Variants in NACC2 observed in about 807,000 individuals in gnomAD.
NACC2 encodes NACC family member 2, also known as nucleus accumbens-associated protein 2.
NACC2 carries 8 observed loss-of-function variants against 25.1 expected under a neutral mutation model. That is an observed-to-expected ratio of 0.32 (90% CI 0.19 to 0.57). NACC2 has a LOEUF of 0.57. NACC2 is among the 20% of genes least tolerant of loss of function. NACC2 has a pLI of 0.89. For synonymous variants in NACC2, 435 were observed against 294.7 expected (o/e 1.48, Z -4.88); for missense variants, 644 against 650.2 (o/e 0.99, Z 0.10).
At chr9:136,046,907 G>A (rs929232819) in intron 2 of NACC2, among the ~76,000 whole-genome samples, 21 of 152,194 alleles carry the variant, frequency 1.4e-4, no homozygotes, top group Non-Finnish European at 2.4e-4. Flanking sequence ...TTCAAAAACA[G>A]GAGAACAGCC....
At chr9:136,094,388 G>A (rs969558422) in intron 1 of NACC2, among the ~76,000 whole-genome samples, 1 of 152,210 alleles carries the variant, frequency 6.6e-6, no homozygotes, top group Non-Finnish European at 1.5e-5. Flanking sequence ...GGGGCTGGGA[G>A]GTGACCTCTG....
intron 1 of NACC2, among the ~76,000 whole-genome samples, chr9:136,090,340 C>A (rs144630488): frequency 6.6e-6 from 1 of 152,190 alleles, no homozygotes; most frequent in Non-Finnish European, 1.5e-5. Flanking sequence ...CCTCCAAGAC[C>A]GCCGCAGAAG....
intron 1 of NACC2, among the ~76,000 whole-genome samples, chr9:136,065,916 G>A (rs891575898): frequency 3.9e-5 from 6 of 152,086 alleles, no homozygotes; most frequent in East Asian, 1.9e-4. Flanking sequence ...AAAAGAGGCC[G>A]GGCATGGTGG....
chr9:136,061,603 G>A (rs183693700), intron 1 of NACC2, among the ~76,000 whole-genome samples: 7 of 152,256 alleles, frequency 4.6e-5, no homozygotes, highest in East Asian at 1.9e-4. Context: ...GACCCTGTGC[G>A]GCTCACACCT....
intron 1 of NACC2, among the ~76,000 whole-genome samples, chr9:136,078,287 C>T (rs1167530030): frequency 2.0e-5 from 3 of 152,274 alleles, no homozygotes; most frequent in Non-Finnish European, 2.9e-5. Flanking sequence ...GGCCAGAAGA[C>T]GCCAGAATTC....
At chr9:136,094,600 C>A (rs1343625231) in intron 1 of NACC2, among the ~76,000 whole-genome samples, 1 of 152,112 alleles carries the variant, frequency 6.6e-6, no homozygotes, top group Admixed American at 6.5e-5. Flanking sequence ...CGGCCGGACC[C>A]CAGTTTCTCC....
chr9:136,073,150 G>A (rs760628798), intron 1 of NACC2, among the ~76,000 whole-genome samples: 13 of 152,124 alleles, frequency 8.5e-5, no homozygotes, highest in Admixed American at 1.3e-4. Context: ...TTAATTGGCC[G>A]GGTATGGTGG....
rs1428271350 is a variant in NACC2, at chr9:136,008,706, C to G, written c.*2810G>C. 1 of 152,306 alleles carries G rather than the reference C, an allele frequency of 6.6e-6. No homozygotes were observed. Among genetic ancestry groups the G allele is most frequent in the East Asian group, 1.9e-4 (1 of 5,190 alleles). The allele number at this position is 152,306 out of a possible 1,614,324, so 9.4% of individuals were successfully genotyped here. On this transcript the variant is annotated 3_prime_UTR_variant, in exon 6 of 6. Transcript: ENST00000277554. ...GCACTCTGGAAGGCCCCTCTGAGCC[C>G]GGGCCGCCGCCCCCGCCCCACGGTA...
At position 136,008,040 on chromosome 9, in the gene NACC2, C is replaced by T. The variant is rs1162917040; in HGVS notation, c.*3476G>A. ...GGCTCCTATGTTCTAGGAGCCCCGA[C>T]CCGCAGTCACCAACGCCGGCACCCC... On this transcript the variant is annotated 3_prime_UTR_variant, in exon 6 of 6. Transcript: ENST00000277554. 2 of 152,252 alleles carry T rather than the reference C, an allele frequency of 1.3e-5. No individual in the cohort carries two copies. Among genetic ancestry groups the T allele is most frequent in the African/African-American group, 4.8e-5 (2 of 41,446 alleles). The allele number at this position is 152,252 out of a possible 1,614,324, so 9.4% of individuals were successfully genotyped here.
rs1261483364 is a variant in NACC2, at chr9:136,013,794, G to A, written c.1157+70C>T. ...TGCCACAACCCTGGACGATCAGACA[G>A]CTCATAGCTAAAGGAGCCAGAACCC... is the stretch of plus-strand genomic sequence containing the variant. On this transcript the variant is annotated intron_variant, in intron 4 of 5. Coordinates refer to ENST00000277554, the MANE Select transcript of NACC2 (RefSeq NM_144653.5). This position sits in a 1 kb window ranked among gnomAD's most constrained non-coding sequence, Gnocchi z 6.6. The A allele has an allele frequency of 3.3e-5, 44 of 1,352,190 alleles. 1 individual carries two copies. In the South Asian group the frequency reaches 4.4e-4, roughly 13 times the overall value. 83.8% of individuals were successfully genotyped at this position (1,352,190 alleles called of 1,614,324 possible).
intron 2 of NACC2, among the ~76,000 whole-genome samples, chr9:136,041,611 T>C (rs937202252): frequency 6.6e-6 from 1 of 151,938 alleles, no homozygotes; most frequent in African/African-American, 2.4e-5. Context: ...TACGGGGAAA[T>C]AGAAATATCT....
intron 2 of NACC2, among the ~76,000 whole-genome samples, chr9:136,037,467 G>T (rs1205826644): frequency 1.3e-5 from 2 of 151,384 alleles, no homozygotes; most frequent in African/African-American, 4.9e-5. Context: ...GAACTAAGCT[G>T]CCATGAACAT....
At chr9:136,045,752 C>T (rs1166932337) in intron 2 of NACC2, among the ~76,000 whole-genome samples, 1 of 152,184 alleles carries the variant, frequency 6.6e-6, no homozygotes, top group South Asian at 2.1e-4. Flanking sequence ...AATGAAATAA[C>T]CGTCAGGGCC....
intron 1 of NACC2, among the ~76,000 whole-genome samples, chr9:136,064,394 T>TTA (rs112125936): frequency 2.6e-5 from 4 of 151,896 alleles, no homozygotes; most frequent in African/African-American, 9.7e-5. Context: ...TCACAAGTAT[T>TTA]TCTCTACACT....
chr9:136,082,669 A>G (rs62583485), intron 1 of NACC2, among the ~76,000 whole-genome samples: 80,829 of 151,730 alleles, frequency 0.53, 22,979 homozygotes, highest in South Asian at 0.67. Flanking sequence ...CTGCCTCCCA[A>G]GAAGCACCCC....
intron 1 of NACC2, among the ~76,000 whole-genome samples, chr9:136,067,912 G>A (rs1210891851): frequency 6.6e-6 from 1 of 152,186 alleles, no homozygotes; most frequent in Admixed American, 6.5e-5. Context: ...AGTGCTCCTG[G>A]GCTATAAACC....
chr9:136,045,414 G>GCCAGAGCTGTCCCCTGCCAGGA (rs1840708143), intron 2 of NACC2, among the ~76,000 whole-genome samples: 2 of 66,262 alleles, frequency 3.0e-5, no homozygotes, highest in Non-Finnish European at 7.1e-5. Flanking sequence ...GGTTACCGTG[G>GCCAGAGCTGTCCCCTGCCAGGA]AAGTGTGCAG....
intron 2 of NACC2, among the ~76,000 whole-genome samples, chr9:136,031,462 C>T (rs144469434): frequency 9.2e-5 from 14 of 152,274 alleles, no homozygotes; most frequent in South Asian, 6.2e-4. Context: ...TTCAGCCTCC[C>T]GAGCAGCTGG....
chr9:136,090,924 C>T (rs533948588), intron 1 of NACC2, among the ~76,000 whole-genome samples: 25 of 152,280 alleles, frequency 1.6e-4, no homozygotes, highest in South Asian at 1.2e-3. Flanking sequence ...CTCTGTTCCC[C>T]GCCCCCAGCC....
Sources: allele counts gnomAD v4.1 joint callset (sites outside exome capture counted in the v4.1 genomes callset), GRCh38; gene constraint gnomAD v4.1.1; non-coding constraint Gnocchi (gnomAD v3.1); transcripts MANE v1.5; gene names NCBI Gene and HGNC (gene_info 2026-07-23, HGNC 2026-07-21).